The following CDH2 variants were observed in gnomAD, a reference collection of about 807,000 sequenced individuals.
CDH2 encodes the protein cadherin 2.
Under a neutral mutation model 92.0 loss-of-function variants are expected in CDH2, and 17 were observed. The observed-to-expected ratio is 0.18, with a 90% CI of 0.13 to 0.28. CDH2 has a LOEUF of 0.28. Ranked by LOEUF, CDH2 falls within the 10% of genes least tolerant of loss-of-function variation. The pLI is 1.00. For synonymous variants in CDH2, 419 were observed against 415.9 expected (o/e 1.01, Z -0.09); for missense variants, 862 against 1,133.1 (o/e 0.76, Z 3.44).
intron 6 of CDH2, among the ~76,000 whole-genome samples, chr18:28,004,315 T>C (rs931031909): frequency 5.3e-5 from 8 of 152,180 alleles, no homozygotes; most frequent in African/African-American, 1.9e-4. Context: ...GCTGAATGAA[T>C]GAATAAATCA....
At chr18:28,002,898 T>A in intron 7 of CDH2, 99 bp downstream of exon 7, 1 of 1,053,814 alleles carries the variant, frequency 9.5e-7, no homozygotes, top group Non-Finnish European at 1.4e-6. Context: ...TGAATAACAC[T>A]GTGAGTATAT....
intron 2 of CDH2, among the ~76,000 whole-genome samples, chr18:28,027,355 C>A (rs1032411607): frequency 2.0e-5 from 3 of 151,934 alleles, no homozygotes; most frequent in African/African-American, 7.2e-5. Context: ...ATTGATATTT[C>A]CCTACCAAAA....
intron 14 of CDH2, among the ~76,000 whole-genome samples, chr18:27,982,591 T>C (rs1220500367): frequency 6.6e-6 from 1 of 152,212 alleles, no homozygotes; most frequent in Non-Finnish European, 1.5e-5. Context: ...GTGGTTTTTC[T>C]ACCATACATA....
chr18:28,048,815 T>C (rs570495988), intron 2 of CDH2, among the ~76,000 whole-genome samples: 1 of 152,084 alleles, frequency 6.6e-6, no homozygotes, highest in South Asian at 2.1e-4. Flanking sequence ...GAGCGTGAAA[T>C]AGCAGCCTGC....
chr18:28,139,980 C>A (rs1224437688), intron 2 of CDH2, among the ~76,000 whole-genome samples: 1 of 151,928 alleles, frequency 6.6e-6, no homozygotes, highest in African/African-American at 2.4e-5. Flanking sequence ...AGCTCCCGAT[C>A]TTCTCTATCA....
At chr18:28,003,589 T>C (rs1285156576) in intron 6 of CDH2, among the ~76,000 whole-genome samples, 3 of 152,186 alleles carry the variant, frequency 2.0e-5, no homozygotes, top group South Asian at 2.1e-4. Flanking sequence ...TAAAATAACA[T>C]GCTGAGTATG....
intron 7 of CDH2, among the ~76,000 whole-genome samples, chr18:27,998,023 G>T (rs1341996995): frequency 6.6e-6 from 1 of 152,002 alleles, no homozygotes; most frequent in Non-Finnish European, 1.5e-5. Flanking sequence ...AGCCAGGATG[G>T]TCTCCATCTC....
At chr18:28,090,521 C>T (rs955516804) in intron 2 of CDH2, among the ~76,000 whole-genome samples, 5 of 152,130 alleles carry the variant, frequency 3.3e-5, no homozygotes, top group Non-Finnish European at 7.3e-5. Flanking sequence ...CCCCAGGCAG[C>T]GTCCACAAGC....
intron 2 of CDH2, among the ~76,000 whole-genome samples, chr18:28,097,614 A>G (rs1272572465): frequency 2.0e-5 from 3 of 152,212 alleles, no homozygotes; most frequent in African/African-American, 7.2e-5. Context: ...AGTGTGTATT[A>G]TAAGTAATCT....
intron 2 of CDH2, among the ~76,000 whole-genome samples, chr18:28,067,386 A>G (rs915782844): frequency 2.0e-5 from 3 of 152,018 alleles, no homozygotes; most frequent in Non-Finnish European, 4.4e-5. Flanking sequence ...CCTCTCCCCA[A>G]TCCCAATCCC....
At chr18:27,958,362 T>A (rs2011305284) in intron 15 of CDH2, among the ~76,000 whole-genome samples, 1 of 151,918 alleles carries the variant, frequency 6.6e-6, no homozygotes, top group Non-Finnish European at 1.5e-5. Context: ...AATGAAAAGG[T>A]GGTCTTTTAA....
intron 2 of CDH2, among the ~76,000 whole-genome samples, chr18:28,085,531 C>A (rs2014910616): frequency 1.3e-5 from 2 of 152,228 alleles, no homozygotes; most frequent in Middle Eastern, 3.4e-3. Context: ...ATGGTTGCAA[C>A]CACTACCACA....
At chr18:28,020,634 T>G (rs928947988) in intron 2 of CDH2, among the ~76,000 whole-genome samples, 1 of 151,998 alleles carries the variant, frequency 6.6e-6, no homozygotes, top group Non-Finnish European at 1.5e-5. Context: ...GCAGTTTTAT[T>G]ATTTTTAATA....
intron 2 of CDH2, among the ~76,000 whole-genome samples, chr18:28,065,142 A>G (rs1452117332): frequency 2.6e-5 from 4 of 152,160 alleles, no homozygotes; most frequent in African/African-American, 4.8e-5. Context: ...GCTCACTGTA[A>G]TACTCTTCAG....
At chr18:27,975,949 C>T (rs967963225) in intron 14 of CDH2, among the ~76,000 whole-genome samples, 12 of 152,178 alleles carry the variant, frequency 7.9e-5, no homozygotes, top group African/African-American at 2.9e-4. Flanking sequence ...AATCAAATGC[C>T]TCTCTCTGAC....
chr18:28,010,397 G>A (rs1172475745), intron 4 of CDH2, among the ~76,000 whole-genome samples: 5 of 152,040 alleles, frequency 3.3e-5, no homozygotes, highest in Non-Finnish European at 4.4e-5. Flanking sequence ...AAAGCTTTCC[G>A]TATCATTTTA....
At chr18:28,082,724 G>A (rs1484372211) in intron 2 of CDH2, among the ~76,000 whole-genome samples, 2 of 152,154 alleles carry the variant, frequency 1.3e-5, no homozygotes, top group Non-Finnish European at 2.9e-5. Flanking sequence ...AATTGAACTT[G>A]AGATGTGGTT....
At chr18:28,040,663 C>G (rs1316831808) in intron 2 of CDH2, among the ~76,000 whole-genome samples, 1 of 152,158 alleles carries the variant, frequency 6.6e-6, no homozygotes, top group Admixed American at 6.5e-5. Context: ...CACATTCCAG[C>G]CAAGCTTCAA....
chr18:28,159,249 G>A (rs560817501), intron 1 of CDH2: 3 of 152,188 alleles, frequency 2.0e-5, no homozygotes, highest in African/African-American at 2.4e-5. Flanking sequence ...AAGAAGCTTG[G>A]TGATCTCATT....
Sources: gnomAD v4.1 joint callset for allele counts (sites outside exome capture counted in the v4.1 genomes callset) on GRCh38, gnomAD v4.1.1 for gene constraint, MANE v1.5 for transcripts, NCBI Gene and HGNC (gene_info 2026-07-23, HGNC 2026-07-21) for gene names.